The following PTPRN2 variants were observed in gnomAD, a reference collection of about 807,000 sequenced individuals.
The protein encoded by PTPRN2 is receptor-type tyrosine-protein phosphatase N2.
In PTPRN2, 74 loss-of-function variants were observed where a neutral mutation model predicts 118.8. That is an observed-to-expected ratio of 0.62 (90% confidence interval 0.52 to 0.76). The LOEUF is 0.76. Ranked by LOEUF, PTPRN2 falls within the 30% of genes least tolerant of loss-of-function variation. The probability of loss-of-function intolerance (pLI) is 0.00; values close to 1 mark genes in which losing one functional copy is unlikely to be tolerated. For missense variants in PTPRN2, 1,481 were observed against 1,394.4 expected, an observed-to-expected ratio of 1.06 and a Z score of -0.99; for synonymous variants, 641 against 608.0, an observed-to-expected ratio of 1.05 and a Z score of -0.80.
At chr7:157,966,534 T>A (rs1801945447) in intron 11 of PTPRN2, among the ~76,000 whole-genome samples, 1 of 151,948 alleles carries the variant, frequency 6.6e-6, no homozygotes, top group African/African-American at 2.4e-5. Flanking sequence ...ACCATCATCT[T>A]CATTATCACC....
At chr7:157,688,595 G>A (rs1797308913) in intron 12 of PTPRN2, among the ~76,000 whole-genome samples, 1 of 152,154 alleles carries the variant, frequency 6.6e-6, no homozygotes, top group African/African-American at 2.4e-5. Flanking sequence ...GGACGCACGC[G>A]CGCCTTCCAC....
chr7:157,917,504 G>GTAATAATACAT, intron 11 of PTPRN2, among the ~76,000 whole-genome samples: 1 of 152,202 alleles, frequency 6.6e-6, no homozygotes, highest in Non-Finnish European at 1.5e-5. Flanking sequence ...AAGGGAGCAT[G>GTAATAATACAT]GCTGCGCAGT....
intron 14 of PTPRN2, among the ~76,000 whole-genome samples, chr7:157,651,109 C>T (rs541509672): frequency 2.6e-5 from 4 of 152,350 alleles, no homozygotes; most frequent in African/African-American, 9.6e-5. Context: ...GGCAAATCTG[C>T]GGAAGGTGCG....
chr7:158,251,109 C>T (rs879099613), intron 3 of PTPRN2, among the ~76,000 whole-genome samples: 10 of 151,956 alleles, frequency 6.6e-5, no homozygotes, highest in Admixed American at 3.9e-4. Flanking sequence ...TAATGGGACA[C>T]GCACAAAGCG....
Position 158,258,442 on chromosome 7 carries a change from G to A in PTPRN2, c.278-53169C>T, listed in dbSNP as rs527591141. ...CATTTAATTTAAATTTCTATGAATC[G>A]CCGCGAGACGACCCTGTGAGTACGC... On this transcript the variant is annotated intron_variant, in intron 3 of 22. Transcript: ENST00000389418. Among the ~76,000 whole-genome samples the A allele has an allele frequency of 7.7e-4, 117 of 152,292 alleles. 1 individual carries two copies. Among genetic ancestry groups the A allele is most frequent in the Non-Finnish European group, 1.0e-3 (70 of 68,032 alleles).
intron 5 of PTPRN2, among the ~76,000 whole-genome samples, chr7:158,171,308 C>CACATATATATATAT (rs1404282409): frequency 2.1e-5 from 1 of 48,678 alleles, no homozygotes; most frequent in Non-Finnish European, 3.7e-5. Context: ...TATATACACA[C>CACATATATATATAT]ATATATATAT....
At chr7:157,662,040 C>T (rs1297510151) in intron 13 of PTPRN2, among the ~76,000 whole-genome samples, 3 of 152,178 alleles carry the variant, frequency 2.0e-5, no homozygotes, top group Non-Finnish European at 4.4e-5. Context: ...TTTTCCTTGA[C>T]GTCCAGGGCA....
chr7:157,939,712 A>G (rs10226480), intron 11 of PTPRN2, among the ~76,000 whole-genome samples: 137,602 of 152,300 alleles, frequency 0.9, 62,412 homozygotes, highest in African/African-American at 0.98. Context: ...TCCCTCTGGC[A>G]TATCTTACAA....
intron 3 of PTPRN2, among the ~76,000 whole-genome samples, chr7:158,213,718 G>T (rs1406989518): frequency 6.6e-6 from 1 of 152,066 alleles, no homozygotes; most frequent in Non-Finnish European, 1.5e-5. Flanking sequence ...AAGCACATTT[G>T]CAATGTTAGT....
At chr7:158,380,440 T>C (rs1810882713) in intron 2 of PTPRN2, among the ~76,000 whole-genome samples, 1 of 152,210 alleles carries the variant, frequency 6.6e-6, no homozygotes, top group Non-Finnish European at 1.5e-5. Context: ...CAGTCAAATC[T>C]TAAAGCTCCA....
intron 3 of PTPRN2, among the ~76,000 whole-genome samples, chr7:158,218,166 G>A (rs1828088693): frequency 6.6e-6 from 1 of 152,058 alleles, no homozygotes; most frequent in South Asian, 2.1e-4. Flanking sequence ...TGTTGTGAAA[G>A]AAAAACTCTT....
chr7:158,416,044 A>G (rs1051079147), intron 2 of PTPRN2, among the ~76,000 whole-genome samples: 3 of 152,174 alleles, frequency 2.0e-5, no homozygotes, highest in African/African-American at 7.2e-5. Context: ...TCTCTTCCAC[A>G]TCCACCTTTG....
intron 1 of PTPRN2, among the ~76,000 whole-genome samples, chr7:158,522,184 CGGG>C (rs1824199946): frequency 1.4e-4 from 11 of 77,374 alleles, no homozygotes; most frequent in Non-Finnish European, 2.3e-4. Context: ...GGTACTGGCT[CGGG>C]AGGGAGGTCC....
intron 13 of PTPRN2, among the ~76,000 whole-genome samples, chr7:157,668,158 T>C (rs1483886246): frequency 6.6e-6 from 1 of 152,166 alleles, no homozygotes; most frequent in African/African-American, 2.4e-5. Context: ...GTCCGCAGAG[T>C]CCTCAAAGTA....
chr7:157,585,577 C>T lies in PTPRN2; in HGVS notation c.2497-7437G>A, dbSNP rs189703192. ...CGCACAGGAAGTCACCTGGCACAGG[C>T]GTCACTGAGACTCCCTGTGGCCTCT... On this transcript the variant is annotated intron_variant, in intron 17 of 22. Coordinates refer to ENST00000389418, the MANE Select transcript of PTPRN2 (RefSeq NM_002847.5). This position sits in a 1 kb window ranked among gnomAD's most constrained non-coding sequence, Gnocchi z 5.2. 3.3e-5 allele frequency among the ~76,000 whole-genome samples: 5 copies of T among 152,320 alleles called. No homozygotes were observed. The highest frequency in any genetic ancestry group is 1.3e-4 in the Admixed American group (2 of 15,302).
intron 2 of PTPRN2, among the ~76,000 whole-genome samples, chr7:158,358,917 G>T (rs931033741): frequency 6.6e-6 from 1 of 152,182 alleles, no homozygotes; most frequent in African/African-American, 2.4e-5. Context: ...ATCCCTAAAT[G>T]GTTAAAATGG....
chr7:157,789,042 G>A (rs1394125141), intron 12 of PTPRN2, among the ~76,000 whole-genome samples: 3 of 152,242 alleles, frequency 2.0e-5, no homozygotes, highest in Non-Finnish European at 4.4e-5. Context: ...AGTCAGAATG[G>A]TAGGATTTGA....
intron 12 of PTPRN2, among the ~76,000 whole-genome samples, chr7:157,722,415 G>C (rs924341102): frequency 3.9e-5 from 6 of 152,200 alleles, no homozygotes; most frequent in Admixed American, 6.5e-5. Flanking sequence ...GGGGGTGCAG[G>C]GGCTCTCGAG....
intron 11 of PTPRN2, among the ~76,000 whole-genome samples, chr7:158,000,614 T>TG (rs1344545154): frequency 0.038 from 507 of 13,504 alleles, 8 homozygotes; most frequent in African/African-American, 0.09. Context: ...GGGAGCAGGG[T>TG]GGGGCTGGGG....
Sources: gnomAD v4.1 joint callset for allele counts (sites outside exome capture counted in the v4.1 genomes callset) on GRCh38, gnomAD v4.1.1 for gene constraint, Gnocchi (gnomAD v3.1) non-coding constraint, MANE v1.5 for transcripts, NCBI Gene and HGNC (gene_info 2026-07-23, HGNC 2026-07-21) for gene names.